The following GRB10 variants were observed in gnomAD, a reference collection of about 807,000 sequenced individuals.
GRB10 encodes growth factor receptor-bound protein 10.
A neutral mutation model predicts 80.9 loss-of-function variants in GRB10; 20 were observed. The observed-to-expected ratio is 0.25, with a 90% CI of 0.17 to 0.36. The LOEUF (loss-of-function observed/expected upper bound fraction) is 0.36. Among genes scored for constraint, GRB10 ranks in the 10% least tolerant of loss-of-function variants. GRB10 has a pLI of 1.00. For synonymous variants in GRB10, 291 were observed against 291.5 expected (o/e 1.00, Z 0.02); for missense variants, 548 against 747.7 (o/e 0.73, Z 3.12).
chr7:50,678,369 T>C (rs2061177921), intron 5 of GRB10, among the ~76,000 whole-genome samples: 2 of 152,202 alleles, frequency 1.3e-5, no homozygotes, highest in African/African-American at 4.8e-5. Flanking sequence ...ACTCAATAGG[T>C]TATAATCTTC....
At chr7:50,717,926 C>G (rs117048286) in intron 4 of GRB10, among the ~76,000 whole-genome samples, 1,724 of 152,336 alleles carry the variant, frequency 0.011, 14 homozygotes, top group Non-Finnish European at 0.02. Flanking sequence ...TGCTTGACCC[C>G]ACTCCAGACT....
At chr7:50,617,771 T>C (rs2050922698) in intron 10 of GRB10, 2 of 474,498 alleles carry the variant, frequency 4.2e-6, no homozygotes, top group South Asian at 4.6e-5. Flanking sequence ...GGTTTCTCCA[T>C]GCACCCCCTG....
At chr7:50,593,806 C>A (rs2046164687) in intron 18 of GRB10, among the ~76,000 whole-genome samples, 1 of 152,136 alleles carries the variant, frequency 6.6e-6, no homozygotes, top group Non-Finnish European at 1.5e-5. Flanking sequence ...AATTAATGAG[C>A]TTGGAACCAC....
chr7:50,714,479 C>G (rs896392544), intron 4 of GRB10, among the ~76,000 whole-genome samples: 2 of 152,078 alleles, frequency 1.3e-5, no homozygotes, highest in Non-Finnish European at 2.9e-5. Flanking sequence ...CTGGCTAACA[C>G]GGTGAAACCC....
At chr7:50,654,764 C>A (rs1164890392) in intron 7 of GRB10, among the ~76,000 whole-genome samples, 1 of 152,174 alleles carries the variant, frequency 6.6e-6, no homozygotes, top group African/African-American at 2.4e-5. Flanking sequence ...CTTTCCCTAC[C>A]TACCTAGGAG....
rs999647707 is a variant in GRB10 at position 50,654,544 on chromosome 7, T to G, written c.504+15178A>C. On this transcript the variant is annotated intron_variant, in intron 7 of 18. Transcript: ENST00000401949. ...TAGAAAGAGCTCACTGCAGCATCAG[T>G]GCATGTTAAGAGGCACATTTTTGAT... Among the ~76,000 whole-genome samples the G allele has an allele frequency of 2.6e-5, 4 of 152,360 alleles. No homozygotes were observed. In the South Asian group the frequency reaches 6.2e-4, roughly 24 times the overall value.
intron 7 of GRB10, among the ~76,000 whole-genome samples, chr7:50,655,428 G>A (rs2058548486): frequency 6.6e-6 from 1 of 152,188 alleles, no homozygotes; most frequent in African/African-American, 2.4e-5. Context: ...GAAATGACCT[G>A]AGCGTTAGGT....
chr7:50,767,306 C>CAGTT (rs2076449304), intron 2 of GRB10, among the ~76,000 whole-genome samples: 1 of 152,166 alleles, frequency 6.6e-6, no homozygotes, highest in Non-Finnish European at 1.5e-5. Context: ...CAAAAGGACA[C>CAGTT]CTGGATCCTG....
intron 3 of GRB10, among the ~76,000 whole-genome samples, chr7:50,752,264 G>A (rs1450990551): frequency 6.6e-6 from 1 of 152,144 alleles, no homozygotes; most frequent in Non-Finnish European, 1.5e-5. Context: ...ATAAACAGGA[G>A]ATTCAGGGAG....
chr7:50,689,491 T>C (rs529839598), intron 5 of GRB10, among the ~76,000 whole-genome samples: 4 of 151,870 alleles, frequency 2.6e-5, no homozygotes, highest in Non-Finnish European at 5.9e-5. Context: ...ATGCAGGTTG[T>C]AAGGGAAATA....
In GRB10 at chr7:50,703,860, C is replaced by T. The variant is rs776705883; in HGVS notation, c.100G>A (p.Gly34Arg). ...AGTCGGTCAGACTGTGCGGGGAGTC[C>T]TGGTCCTGCCGGGTCTTGTTGACTG... is the stretch of plus-strand genomic sequence containing the variant. ...PRSQQDPAGP[G>R]LPAQSDRLAN... Residue 34 changes from glycine to arginine, a missense_variant, in exon 5 of 19, where the codon GGA (glycine) becomes AGA (arginine). Physicochemically the swap from Gly to Arg is moderately radical, Grantham distance 125. This residue lies in a region of GRB10 where 245 missense variants were observed against 229.3 expected (regional missense o/e 1.07). Transcript: ENST00000401949. 1.9e-6 allele frequency: 3 copies of T among 1,613,426 alleles called. No individual in the cohort carries two copies. The highest frequency in any genetic ancestry group is 4.5e-5 in the East Asian group (2 of 44,882).
chr7:50,618,237 G>C, intron 9 of GRB10, 98 bp from the exon 10 acceptor site: 1 of 886,748 alleles, frequency 1.1e-6, no homozygotes, highest in South Asian at 1.4e-5. Flanking sequence ...ATTCCTACCA[G>C]TATAATTACA....
chr7:50,749,089 T>C (rs2073606825), intron 3 of GRB10, among the ~76,000 whole-genome samples: 1 of 151,970 alleles, frequency 6.6e-6, no homozygotes. Flanking sequence ...TAGTCAATTC[T>C]ATATAAAATG....
At position 50,593,108 on chromosome 7, in the gene GRB10, C is replaced by T; in HGVS notation, c.1639-10G>A. The T allele has an allele frequency of 6.2e-7, 1 of 1,614,104 alleles. No individual in the cohort carries two copies. Among genetic ancestry groups the T allele is most frequent in the Non-Finnish European group, 8.5e-7 (1 of 1,180,026 alleles). On this transcript the variant is annotated splice_polypyrimidine_tract_variant and intron_variant, in intron 18 of 18. Coordinates refer to ENST00000401949, the MANE Select transcript of GRB10 (RefSeq NM_001350814.2). ...GCCCGTCGTCCTCGCACTGGAGAGA[C>T]ACAAGAACACTTGCCAGGTTAGAGG... is the stretch of plus-strand genomic sequence containing the variant.
chr7:50,682,845 G>A (rs937759329), intron 5 of GRB10, among the ~76,000 whole-genome samples: 2 of 152,144 alleles, frequency 1.3e-5, no homozygotes, highest in African/African-American at 2.4e-5. Flanking sequence ...AAATCTCAAC[G>A]CTCACACTGA....
chr7:50,740,828 GA>G (rs34620281), intron 3 of GRB10, among the ~76,000 whole-genome samples: 10,181 of 141,526 alleles, frequency 0.072, 1,054 homozygotes, highest in African/African-American at 0.23. Flanking sequence ...CCATTCTAAT[GA>G]AAAAAAAAAA....
At chr7:50,618,384 A>T (rs1033814094) in intron 9 of GRB10, among the ~76,000 whole-genome samples, 1 of 152,232 alleles carries the variant, frequency 6.6e-6, no homozygotes, top group African/African-American at 2.4e-5. Context: ...TAAGGGATTC[A>T]TGTCTCACAG....
At chr7:50,718,124 C>T (rs138104798) in intron 4 of GRB10, among the ~76,000 whole-genome samples, 192 of 152,276 alleles carry the variant, frequency 1.3e-3, no homozygotes, top group South Asian at 2.7e-3. Context: ...AGGCAAGATC[C>T]GGAGGCTTGC....
At position 50,619,159 on chromosome 7, in the gene GRB10, G is replaced by A. The variant is rs1438566050; in HGVS notation, c.777+11C>T. ...AGTCCCAAACCCCAAACCTGAAGAG[G>A]TAAGACTCACCATGGGATTTTTAAA... is the stretch of plus-strand genomic sequence containing the variant. On this transcript the variant is annotated intron_variant, in intron 9 of 18. Transcript: ENST00000401949. 3 of 1,476,832 alleles carry A rather than the reference G, an allele frequency of 2.0e-6. No individual in the cohort carries two copies. The highest frequency in any genetic ancestry group is 2.8e-6 in the Non-Finnish European group (3 of 1,054,668). The allele number at this position is 1,476,832 out of a possible 1,614,324, so 91.5% of individuals were successfully genotyped here. A position where few individuals can be genotyped will look rare whatever the true frequency, so the allele number is the denominator to read the frequency against.
Sources: allele counts gnomAD v4.1 joint callset (sites outside exome capture counted in the v4.1 genomes callset), GRCh38; gene constraint gnomAD v4.1.1; regional missense constraint gnomAD v4.1.1; transcripts MANE v1.5; gene names NCBI Gene and HGNC (gene_info 2026-07-23, HGNC 2026-07-21).